Variants in FRMD4A observed in about 807,000 individuals in gnomAD.
The protein encoded by FRMD4A is FERM domain-containing protein 4A.
In FRMD4A, 29 loss-of-function variants were observed where a neutral mutation model predicts 129.1. The ratio of observed to expected loss-of-function variants is 0.22; its 90% CI spans 0.17 to 0.31. FRMD4A has a LOEUF of 0.31. Ranked by LOEUF, FRMD4A falls within the 10% of genes least tolerant of loss-of-function variation. The pLI, the probability that FRMD4A is intolerant of heterozygous loss-of-function variation, is 1.00. For missense variants in FRMD4A, 1,272 were observed against 1,375.8 expected, an observed-to-expected ratio of 0.92 and a Z score of 1.19; for synonymous variants, 634 against 571.6, an observed-to-expected ratio of 1.11 and a Z score of -1.56.
At chr10:13,949,141 C>T (rs2095354222) in intron 2 of FRMD4A, among the ~76,000 whole-genome samples, 1 of 151,794 alleles carries the variant, frequency 6.6e-6, no homozygotes, top group Non-Finnish European at 1.5e-5. Context: ...AATGGATGGT[C>T]TTCAGTGACT....
intron 2 of FRMD4A, among the ~76,000 whole-genome samples, chr10:14,224,564 T>C (rs531092166): frequency 6.6e-6 from 1 of 152,184 alleles, no homozygotes; most frequent in Non-Finnish European, 1.5e-5. Flanking sequence ...TGCACTTTGA[T>C]TAAATTTTGA....
intron 5 of FRMD4A, among the ~76,000 whole-genome samples, chr10:13,787,626 A>G (rs571441164): frequency 6.6e-6 from 1 of 151,894 alleles, no homozygotes; most frequent in South Asian, 2.1e-4. Flanking sequence ...ATGCTGACTA[A>G]TTTTTTATTT....
At chr10:14,186,712 A>G (rs991047266) in intron 2 of FRMD4A, among the ~76,000 whole-genome samples, 2 of 152,152 alleles carry the variant, frequency 1.3e-5, no homozygotes, top group African/African-American at 2.4e-5. Context: ...GAGGGTTATC[A>G]GCCTCTGAGG....
At chr10:13,903,882 TA>T (rs113936491) in intron 2 of FRMD4A, among the ~76,000 whole-genome samples, 3,647 of 148,534 alleles carry the variant, frequency 0.025, 131 homozygotes, top group African/African-American at 0.083. Context: ...GCTTGTCTCT[TA>T]AAAAAAAAAA....
chr10:14,160,061 T>G (rs1840804159), intron 2 of FRMD4A, among the ~76,000 whole-genome samples: 1 of 152,000 alleles, frequency 6.6e-6, no homozygotes. Context: ...AAAAAAAATA[T>G]GTACCAAATG....
chr10:14,144,350 G>T (rs1012709401), intron 2 of FRMD4A, among the ~76,000 whole-genome samples: 1 of 152,116 alleles, frequency 6.6e-6, no homozygotes, highest in Non-Finnish European at 1.5e-5. Context: ...GGAGGGGACC[G>T]AAAAAGGAAT....
intron 2 of FRMD4A, among the ~76,000 whole-genome samples, chr10:14,016,824 C>A (rs1432767445): frequency 1.3e-5 from 2 of 152,152 alleles, no homozygotes; most frequent in Non-Finnish European, 2.9e-5. Context: ...AAGGATCTAG[C>A]CATAGAGAAT....
At chr10:13,862,898 T>C (rs960439835) in intron 2 of FRMD4A, among the ~76,000 whole-genome samples, 1 of 152,140 alleles carries the variant, frequency 6.6e-6, no homozygotes, top group Non-Finnish European at 1.5e-5. Context: ...ATACTAACAA[T>C]TGTGAAATAA....
At chr10:14,312,584 TA>T (rs1846588553) in intron 2 of FRMD4A, among the ~76,000 whole-genome samples, 1 of 152,162 alleles carries the variant, frequency 6.6e-6, no homozygotes, top group South Asian at 2.1e-4. Flanking sequence ...TATAAAATAT[TA>T]AAAATAGCCT....
At chr10:14,084,726 A>G (rs1836156817) in intron 2 of FRMD4A, among the ~76,000 whole-genome samples, 2 of 152,146 alleles carry the variant, frequency 1.3e-5, no homozygotes, top group Non-Finnish European at 1.5e-5. Context: ...CAGCTACCAG[A>G]CAACTAGGAC....
At chr10:14,246,400 C>T (rs983610178) in intron 2 of FRMD4A, among the ~76,000 whole-genome samples, 53 of 97,932 alleles carry the variant, frequency 5.4e-4, no homozygotes, top group African/African-American at 1.7e-3. Context: ...CACACACACA[C>T]ACACACAAGT....
chr10:13,690,097 A>G (rs1282886288), intron 15 of FRMD4A, among the ~76,000 whole-genome samples: 1 of 152,256 alleles, frequency 6.6e-6, no homozygotes, highest in Admixed American at 6.5e-5. Context: ...ACTGGGTTAT[A>G]CATATCACCT....
At chr10:14,064,900 G>A (rs550404593) in intron 2 of FRMD4A, among the ~76,000 whole-genome samples, 9 of 152,204 alleles carry the variant, frequency 5.9e-5, no homozygotes, top group Non-Finnish European at 8.8e-5. Flanking sequence ...TTTTAACAGC[G>A]AAGCAATGGA....
chr10:14,289,504 G>A (rs1415901868), intron 2 of FRMD4A, among the ~76,000 whole-genome samples: 1 of 152,056 alleles, frequency 6.6e-6, no homozygotes, highest in African/African-American at 2.4e-5. Flanking sequence ...TTCAGTTGTA[G>A]GAGTTCCTTA....
intron 19 of FRMD4A, 87 bp downstream of exon 19, chr10:13,663,366 T>C: frequency 1.3e-6 from 1 of 791,712 alleles, no homozygotes; most frequent in South Asian, 1.5e-5. Flanking sequence ...CTCTTGCCTT[T>C]ACACAAGGCA....
chr10:14,033,311 A>AC (rs1264239688), intron 2 of FRMD4A, among the ~76,000 whole-genome samples: 1 of 152,054 alleles, frequency 6.6e-6, no homozygotes, highest in African/African-American at 2.4e-5. Flanking sequence ...TGTCTCAAAA[A>AC]AAAAAAAAAA....
At chr10:13,936,715 A>G (rs2095251920) in intron 2 of FRMD4A, among the ~76,000 whole-genome samples, 1 of 152,186 alleles carries the variant, frequency 6.6e-6, no homozygotes, top group South Asian at 2.1e-4. Context: ...TGAGGCATCT[A>G]GTCTATGGGA....
chr10:13,890,569 A>G, intron 2 of FRMD4A: 3 of 984,298 alleles, frequency 3.0e-6, no homozygotes, highest in Non-Finnish European at 3.6e-6. Flanking sequence ...GTCACCACTG[A>G]CCAGCTCAGA....
At chr10:13,817,423 C>G (rs955893061) in intron 3 of FRMD4A, among the ~76,000 whole-genome samples, 11 of 152,200 alleles carry the variant, frequency 7.2e-5, no homozygotes, top group Admixed American at 4.6e-4. Context: ...CTAGAATGAT[C>G]AAAACAGCAC....
Sources: allele counts gnomAD v4.1 joint callset (sites outside exome capture counted in the v4.1 genomes callset), GRCh38; gene constraint gnomAD v4.1.1; transcripts MANE v1.5; gene names NCBI Gene and HGNC (gene_info 2026-07-23, HGNC 2026-07-21).